The following AKR1E2 variants were observed in gnomAD, a reference collection of about 807,000 sequenced individuals.
AKR1E2 encodes the protein 1,5-anhydro-D-fructose reductase.
In AKR1E2, 43 loss-of-function variants were observed where a neutral mutation model predicts 41.9. The ratio of observed to expected loss-of-function variants is 1.03; its 90% CI spans 0.80 to 1.32. The LOEUF (loss-of-function observed/expected upper bound fraction) is 1.32. AKR1E2 is among the 40% of genes most tolerant of loss of function. The pLI is 0.00. For missense variants in AKR1E2, 423 were observed against 396.5 expected, an observed-to-expected ratio of 1.07 and a Z score of -0.57; for synonymous variants, 121 against 138.9, an observed-to-expected ratio of 0.87 and a Z score of 0.91.
At chr10:4,836,951 G>A (rs1235686346) in intron 4 of AKR1E2, among the ~76,000 whole-genome samples, 1 of 152,160 alleles carries the variant, frequency 6.6e-6, no homozygotes, top group Non-Finnish European at 1.5e-5. Flanking sequence ...GCTTTAGGTT[G>A]CTCTGCCCTA....
chr10:4,873,144 G>A, the AKR1E2 span, among the ~76,000 whole-genome samples: 33,385 of 151,966 alleles, frequency 0.22, 3,886 homozygotes, highest in Middle Eastern at 0.33. Context: ...TTTTTCCTGC[G>A]CTGTTCTTGT....
intron 3 of AKR1E2, 141 bp from the exon 4 acceptor site, chr10:4,835,534 G>A (rs551105951): frequency 4.7e-6 from 5 of 1,053,764 alleles, no homozygotes; most frequent in African/African-American, 1.6e-5. Flanking sequence ...TCTTAGAAAG[G>A]TGAAGACTGG....
chr10:4,834,332 T>C (rs1412890807), intron 3 of AKR1E2, among the ~76,000 whole-genome samples: 2 of 152,250 alleles, frequency 1.3e-5, no homozygotes, highest in African/African-American at 4.8e-5. Context: ...ACAGCTTTAC[T>C]TAACTAAGGC....
downstream of AKR1E2, among the ~76,000 whole-genome samples, chr10:4,851,320 A>C (rs1252947005): frequency 3.3e-5 from 5 of 152,184 alleles, no homozygotes; most frequent in Non-Finnish European, 4.4e-5. Context: ...TGTGACATCC[A>C]CCATACTGTG....
At chr10:4,861,841 G>C in the AKR1E2 span, among the ~76,000 whole-genome samples, 1 of 152,080 alleles carries the variant, frequency 6.6e-6, no homozygotes, top group Admixed American at 6.6e-5. Flanking sequence ...CCCTTTGTCA[G>C]ATGAGTAGAT....
At chr10:4,868,190 G>A in the AKR1E2 span, among the ~76,000 whole-genome samples, 3 of 152,226 alleles carry the variant, frequency 2.0e-5, no homozygotes, top group South Asian at 6.2e-4. Flanking sequence ...CTGGGTTCCT[G>A]TTGCTTACTT....
rs1832912457 is a variant in AKR1E2 at position 4,830,809 on chromosome 10, T to C, written c.174T>C (p.Ala58=). Residue 58 remains alanine (A), a synonymous_variant, in exon 2 of 10, where the codon GCT becomes GCC. Coordinates refer to ENST00000298375, the MANE Select transcript of AKR1E2 (RefSeq NM_001040177.3). ...AGIRCKIKEG[A]VRREDLFIAT... ...TCCGTTGCAAGATCAAGGAAGGCGCTGTAAGACGGGAGGATCTGTTCATTG... is the reference window on the plus strand; with the variant it reads ...TCCGTTGCAAGATCAAGGAAGGCGCCGTAAGACGGGAGGATCTGTTCATTG... 6.2e-7 allele frequency: 1 copy of C among 1,614,054 alleles called. No homozygotes were observed. The highest frequency in any genetic ancestry group is 1.1e-5 in the South Asian group (1 of 91,090).
At chr10:4,868,500 C>T in the AKR1E2 span, among the ~76,000 whole-genome samples, 1 of 152,152 alleles carries the variant, frequency 6.6e-6, no homozygotes, top group East Asian at 1.9e-4. Context: ...TCAATCACGT[C>T]ACCTGCAAAT....
At chr10:4,865,486 A>G in the AKR1E2 span, among the ~76,000 whole-genome samples, 1 of 152,224 alleles carries the variant, frequency 6.6e-6, no homozygotes, top group Non-Finnish European at 1.5e-5. Flanking sequence ...CATAAAGTAA[A>G]TGAACAGGTA....
At chr10:4,832,787 A>G (rs1779913791) in intron 2 of AKR1E2, among the ~76,000 whole-genome samples, 1 of 151,944 alleles carries the variant, frequency 6.6e-6, no homozygotes, top group Non-Finnish European at 1.5e-5. Flanking sequence ...GCTGTGATGG[A>G]GCCTTCAGGT....
chr10:4,861,208 C>A, the AKR1E2 span, among the ~76,000 whole-genome samples: 1 of 152,088 alleles, frequency 6.6e-6, no homozygotes, highest in African/African-American at 2.4e-5. Flanking sequence ...CAAAATCTCA[C>A]AGTGACAGAA....
At chr10:4,839,416 G>A (rs1833692759) in intron 5 of AKR1E2, among the ~76,000 whole-genome samples, 1 of 152,062 alleles carries the variant, frequency 6.6e-6, no homozygotes, top group East Asian at 1.9e-4. Context: ...GAAAATAAAG[G>A]CCGGGGGAGA....
chr10:4,845,519 C>CTGCCAGCATG (rs1181525699), intron 8 of AKR1E2, among the ~76,000 whole-genome samples: 3 of 140,534 alleles, frequency 2.1e-5, no homozygotes, highest in African/African-American at 7.6e-5. Context: ...TCAATGGGGG[C>CTGCCAGCATG]CTGGCCTAAG....
At chr10:4,840,081 A>G (rs1315757117) in intron 6 of AKR1E2, among the ~76,000 whole-genome samples, 3 of 152,078 alleles carry the variant, frequency 2.0e-5, no homozygotes. Context: ...ATCAGCCTGG[A>G]GTGACCCCTT....
At chr10:4,844,567 T>A (rs992247108) in intron 8 of AKR1E2, among the ~76,000 whole-genome samples, 1 of 152,170 alleles carries the variant, frequency 6.6e-6, no homozygotes, top group African/African-American at 2.4e-5. Flanking sequence ...AGGGTGCTGA[T>A]TGGTGCATTT....
In AKR1E2 at chr10:4,837,188, C is replaced by T. The variant is rs1869220; in HGVS notation, c.460-271C>T. ...CCTGTGATTCCACATAACCCCTAAACATCCCCGTGGCACAGGCCATGTAGA... is the reference window on the plus strand; with the variant it reads ...CCTGTGATTCCACATAACCCCTAAATATCCCCGTGGCACAGGCCATGTAGA... On this transcript the variant is annotated intron_variant, in intron 4 of 9. Coordinates refer to ENST00000298375, the MANE Select transcript of AKR1E2 (RefSeq NM_001040177.3). Among the ~76,000 whole-genome samples, 5,302 of 152,316 alleles carry T rather than the reference C, an allele frequency of 0.035. 149 individuals are homozygous for T. The highest frequency in any genetic ancestry group is 0.11 in the East Asian group (591 of 5,172).
chr10:4,825,988 G>T (rs1028691209), upstream of AKR1E2, among the ~76,000 whole-genome samples: 1 of 152,236 alleles, frequency 6.6e-6, no homozygotes, highest in African/African-American at 2.4e-5. Context: ...GCGTGGCTCT[G>T]CAAGCCAATC....
At chr10:4,863,630 T>C in the AKR1E2 span, among the ~76,000 whole-genome samples, 1 of 148,598 alleles carries the variant, frequency 6.7e-6, no homozygotes, top group Non-Finnish European at 1.5e-5. Context: ...CTGAAGGAGA[T>C]AGAGTCACAA....
the AKR1E2 span, among the ~76,000 whole-genome samples, chr10:4,854,073 T>C: frequency 1.4e-5 from 2 of 147,986 alleles, no homozygotes; most frequent in Non-Finnish European, 3.0e-5. Flanking sequence ...GCCATTCTTT[T>C]ACTCCTTTAC....
Sources: allele counts gnomAD v4.1 joint callset (sites outside exome capture counted in the v4.1 genomes callset), GRCh38; gene constraint gnomAD v4.1.1; transcripts MANE v1.5; gene names NCBI Gene and HGNC (gene_info 2026-07-23, HGNC 2026-07-21).